Variants in TMEM132C observed in about 807,000 individuals in gnomAD.
TMEM132C encodes the protein transmembrane protein 132C.
In TMEM132C, 29 loss-of-function variants were observed where a neutral mutation model predicts 61.4. The observed-to-expected ratio is 0.47, with a 90% confidence interval of 0.35 to 0.64. The LOEUF (loss-of-function observed/expected upper bound fraction) is 0.64, where lower values mean the gene tolerates loss of function less well. Ranked by LOEUF, TMEM132C falls within the 30% of genes least tolerant of loss-of-function variation. TMEM132C has a pLI of 0.00. For synonymous variants in TMEM132C, 656 were observed against 633.1 expected (o/e 1.04, Z -0.54); for missense variants, 1,408 against 1,476.9 (o/e 0.95, Z 0.76).
chr12:128,270,083 T>C (rs1158525990), intron 1 of TMEM132C, among the ~76,000 whole-genome samples: 2 of 152,090 alleles, frequency 1.3e-5, no homozygotes, highest in African/African-American at 4.8e-5. Flanking sequence ...AAAACATCCT[T>C]GAATTAGAGG....
chr12:128,327,026 G>A (rs1872544148), intron 1 of TMEM132C, among the ~76,000 whole-genome samples: 1 of 149,692 alleles, frequency 6.7e-6, no homozygotes, highest in South Asian at 2.1e-4. Flanking sequence ...CAACCTTTTT[G>A]TCTGTGTGCA....
chr12:128,663,004 G>A (rs1199509380), intron 4 of TMEM132C, among the ~76,000 whole-genome samples: 2 of 152,152 alleles, frequency 1.3e-5, no homozygotes, highest in African/African-American at 4.8e-5. Flanking sequence ...GGCCACGCGG[G>A]AGCCCAGAAT....
chr12:128,430,395 C>T (rs1053421614), intron 2 of TMEM132C, among the ~76,000 whole-genome samples: 11 of 152,158 alleles, frequency 7.2e-5, no homozygotes, highest in South Asian at 2.1e-4. Context: ...AGGCCTCTTA[C>T]GTGACCTTAA....
chr12:128,440,739 TGATGGTGGATATACAAAAAGCAA>T (rs1225526409), intron 2 of TMEM132C, among the ~76,000 whole-genome samples: 1 of 152,140 alleles, frequency 6.6e-6, no homozygotes, highest in Non-Finnish European at 1.5e-5. Flanking sequence ...TCTCCTGATA[TGATGGTGGATATACAAAAAGCAA>T]GAACAGCCAG....
Position 128,695,845 on chromosome 12 carries a change from C to T in TMEM132C, c.1671C>T (p.Ser557=), listed in dbSNP as rs1450720735. ...TTCCCACAAGGCCCACTCGTGAGAG[C>T]GAGGATGAGGACGAGGAGGAGCGGC... ...IVTNKRPTRE[S]EDEDEEERRG... Residue 557 remains serine, a synonymous_variant, in exon 7 of 9, where the codon AGC becomes AGT. Transcript: ENST00000435159. 30 of 1,546,930 alleles carry T rather than the reference C, an allele frequency of 1.9e-5. No homozygotes were observed. Among genetic ancestry groups the T allele is most frequent in the East Asian group, 1.2e-4 (5 of 40,856 alleles).
chr12:128,459,698 G>A (rs570505522), intron 2 of TMEM132C, among the ~76,000 whole-genome samples: 5 of 151,756 alleles, frequency 3.3e-5, no homozygotes, highest in Admixed American at 6.6e-5. Flanking sequence ...CAGCCTGGCC[G>A]AGATGGTGAA....
At chr12:128,457,502 G>T (rs1245069124) in intron 2 of TMEM132C, among the ~76,000 whole-genome samples, 2 of 151,432 alleles carry the variant, frequency 1.3e-5, no homozygotes, top group Non-Finnish European at 2.9e-5. Context: ...CATGAACCTG[G>T]GAGACGGAGC....
At chr12:128,618,742 G>A (rs926444373) in intron 4 of TMEM132C, among the ~76,000 whole-genome samples, 3 of 152,080 alleles carry the variant, frequency 2.0e-5, no homozygotes, top group African/African-American at 7.2e-5. Context: ...TTTGCCTTCT[G>A]CCATGATTGT....
At chr12:128,399,156 C>T (rs1333862878) in intron 1 of TMEM132C, among the ~76,000 whole-genome samples, 1 of 152,150 alleles carries the variant, frequency 6.6e-6, no homozygotes, top group Non-Finnish European at 1.5e-5. Context: ...AGATGAAACT[C>T]ACATGTGGGG....
chr12:128,574,785 TTG>T (rs1875028320), intron 3 of TMEM132C, among the ~76,000 whole-genome samples: 1 of 152,186 alleles, frequency 6.6e-6, no homozygotes, highest in Non-Finnish European at 1.5e-5. Flanking sequence ...GCCTGGTGCT[TTG>T]AGTTTCTTCA....
intron 5 of TMEM132C, among the ~76,000 whole-genome samples, chr12:128,684,138 G>A (rs924894940): frequency 8.6e-5 from 13 of 151,994 alleles, no homozygotes; most frequent in Non-Finnish European, 1.9e-4. Flanking sequence ...TTTTATTGTA[G>A]CATTTATTGC....
At chr12:128,704,699 A>G (rs1030835239) in intron 8 of TMEM132C, among the ~76,000 whole-genome samples, 1 of 152,190 alleles carries the variant, frequency 6.6e-6, no homozygotes, top group African/African-American at 2.4e-5. Context: ...TTAGGCCACT[A>G]ATCACAGAGT....
intron 2 of TMEM132C, among the ~76,000 whole-genome samples, chr12:128,481,773 G>C (rs55809009): frequency 0.15 from 23,396 of 152,012 alleles, 2,737 homozygotes; most frequent in African/African-American, 0.32. Flanking sequence ...GGAAGGGGAA[G>C]GGGGCTTGGT....
In TMEM132C at chr12:128,697,314, C is replaced by G. The variant is rs1954773217; in HGVS notation, c.2020C>G (p.Leu674Val). 6.4e-7 allele frequency: 1 copy of G among 1,551,246 alleles called. No individual in the cohort carries two copies. The highest frequency in any genetic ancestry group is 2.0e-5 in the Admixed American group (1 of 50,962). ...ATCGGTGACAGACTTGGCCATCCAGCTCGTGGCTGGGCTGTCTGTCGCCCT... is the reference window on the plus strand; with the variant it reads ...ATCGGTGACAGACTTGGCCATCCAGGTCGTGGCTGGGCTGTCTGTCGCCCT... ...KVSVTDLAIQ[L>V]VAGLSVALYP... The change falls in exon 8 of 9, where the codon CTC (leucine) becomes GTC (valine). Residue 674 changes from leucine to valine, a missense_variant. Leu to Val is a conservative substitution (Grantham distance 32). Coordinates refer to ENST00000435159, the MANE Select transcript of TMEM132C (RefSeq NM_001136103.3).
intron 1 of TMEM132C, among the ~76,000 whole-genome samples, chr12:128,337,815 A>G (rs1872830108): frequency 6.6e-6 from 1 of 152,194 alleles, no homozygotes; most frequent in Non-Finnish European, 1.5e-5. Flanking sequence ...TCATGTTTGG[A>G]TGATTTCCTG....
intron 1 of TMEM132C, among the ~76,000 whole-genome samples, chr12:128,352,750 C>G (rs1010562603): frequency 6.6e-6 from 1 of 152,174 alleles, no homozygotes; most frequent in African/African-American, 2.4e-5. Flanking sequence ...TAGTTCACAG[C>G]TCTGTAGCTA....
chr12:128,482,952 A>T (rs1251473407), intron 2 of TMEM132C, among the ~76,000 whole-genome samples: 1 of 151,814 alleles, frequency 6.6e-6, no homozygotes. Context: ...AAAATAAAGA[A>T]TGCTTGCTTG....
rs147059692 is a variant in TMEM132C, at chr12:128,572,983, A to G, written c.1121+28880A>G. ...GCTGGAGAGGATGTGGAGAAATGGGAACACTTTTACATTGTTGGTGGGACT... is the reference window on the plus strand; with the variant it reads ...GCTGGAGAGGATGTGGAGAAATGGGGACACTTTTACATTGTTGGTGGGACT... On this transcript the variant is annotated intron_variant, in intron 3 of 8. Coordinates refer to ENST00000435159, the MANE Select transcript of TMEM132C (RefSeq NM_001136103.3). Among the ~76,000 whole-genome samples the G allele has an allele frequency of 0.013, 2,034 of 152,372 alleles. 155 individuals carry two copies. In the East Asian group the frequency reaches 0.2, roughly 15 times the overall value.
intron 4 of TMEM132C, among the ~76,000 whole-genome samples, chr12:128,631,641 T>G (rs1954066050): frequency 1.3e-5 from 2 of 152,218 alleles, no homozygotes; most frequent in African/African-American, 4.8e-5. Context: ...TTAATCCAAA[T>G]GGAGAATGAA....
Sources: allele counts gnomAD v4.1 joint callset (sites outside exome capture counted in the v4.1 genomes callset), GRCh38; gene constraint gnomAD v4.1.1; transcripts MANE v1.5; gene names NCBI Gene and HGNC (gene_info 2026-07-23, HGNC 2026-07-21).